The following SLC30A4 variants were observed in gnomAD, a reference collection of about 807,000 sequenced individuals.
SLC30A4 encodes probable proton-coupled zinc antiporter SLC30A4.
Under a neutral mutation model 41.7 loss-of-function variants are expected in SLC30A4, and 20 were observed. The ratio of observed to expected loss-of-function variants is 0.48; its 90% CI spans 0.34 to 0.70. SLC30A4 has a LOEUF of 0.70. SLC30A4 is among the 30% of genes least tolerant of loss of function. SLC30A4 has a pLI of 0.01. For synonymous variants in SLC30A4, 181 were observed against 195.9 expected (o/e 0.92, Z 0.64); for missense variants, 441 against 529.3 (o/e 0.83, Z 1.64).
At chr15:45,491,245 G>C (rs894486115) in intron 3 of SLC30A4, among the ~76,000 whole-genome samples, 1 of 152,088 alleles carries the variant, frequency 6.6e-6, no homozygotes, top group Non-Finnish European at 1.5e-5. Context: ...GTGGTTAGCA[G>C]CTTGACTGAT....
At chr15:45,521,786 T>C in intron 2 of SLC30A4, 178 bp downstream of exon 2, 1 of 584,670 alleles carries the variant, frequency 1.7e-6, no homozygotes, top group Non-Finnish European at 3.0e-6. Flanking sequence ...GGGGAGTTTA[T>C]ATTGTACTTA....
chr15:45,515,716 C>T (rs538372043), intron 2 of SLC30A4: 1 of 150,952 alleles, frequency 6.6e-6, no homozygotes, highest in Non-Finnish European at 1.5e-5. Context: ...TTTTATTGTG[C>T]AGAAGCTTTT....
intron 2 of SLC30A4, among the ~76,000 whole-genome samples, chr15:45,517,175 C>G (rs1892505481): frequency 6.6e-6 from 1 of 151,662 alleles, no homozygotes; most frequent in Non-Finnish European, 1.5e-5. Flanking sequence ...ATTTGGAACA[C>G]CTTTTTCCCT....
In SLC30A4 at chr15:45,484,917, T is replaced by C. The variant is rs1300144348; in HGVS notation, c.*246A>G. 4.4e-6 allele frequency: 2 copies of C among 456,906 alleles called. No individual in the cohort carries two copies. Among genetic ancestry groups the C allele is most frequent in the Admixed American group, 4.2e-5 (1 of 23,824 alleles). 28.3% of individuals were successfully genotyped at this position (456,906 alleles called of 1,614,324 possible). A position where few individuals can be genotyped will look rare whatever the true frequency, so the allele number is the denominator to read the frequency against. On this transcript the variant is annotated 3_prime_UTR_variant, in exon 8 of 8. Coordinates refer to ENST00000261867, the MANE Select transcript of SLC30A4 (RefSeq NM_013309.6). ...CTTGGATTGTCTTCTATGAGGTATC[T>C]GTAGAGTCACATCTCATTCTGTAAA...
rs1892698065 is a variant in SLC30A4, at chr15:45,522,303, C to G, written c.52G>C (p.Asp18His). ...KRLKSMLRKD[D>H]APLFLNDTSA... ...GTGTCATTTAAAAACAGCGGCGCATCATCCTTCCTTAGCATAGATTTGAGG... is the reference window on the plus strand; with the variant it reads ...GTGTCATTTAAAAACAGCGGCGCATGATCCTTCCTTAGCATAGATTTGAGG... Residue 18 changes from aspartate (D) to histidine (H), a missense_variant, in exon 2 of 8, where the codon GAT (aspartate) becomes CAT (histidine). Physicochemically the swap from Asp to His is moderately conservative, Grantham distance 81 (BLOSUM62 -1). This residue lies in a region of SLC30A4 where 312 missense variants were observed against 341.9 expected (regional missense o/e 0.91). Transcript: ENST00000261867. 5.0e-6 allele frequency: 8 copies of G among 1,614,058 alleles called. No individual in the cohort carries two copies. The highest frequency in any genetic ancestry group is 6.8e-6 in the Non-Finnish European group (8 of 1,180,018).
At chr15:45,499,526 T>C (rs1891977174) in intron 3 of SLC30A4, among the ~76,000 whole-genome samples, 1 of 152,120 alleles carries the variant, frequency 6.6e-6, no homozygotes, top group South Asian at 2.1e-4. Context: ...CATATAAATA[T>C]AGTCAATTAC....
At position 45,480,026 on chromosome 15, in the gene SLC30A4, A is replaced by G. The variant is rs987305547; in HGVS notation, c.*5137T>C. 9.8e-5 allele frequency: 15 copies of G among 152,314 alleles called. No homozygotes were observed. Among genetic ancestry groups the G allele is most frequent in the African/African-American group, 3.4e-4 (14 of 41,572 alleles). The allele number at this position is 152,314 out of a possible 1,614,324, so 9.4% of individuals were successfully genotyped here. A position where few individuals can be genotyped will look rare whatever the true frequency, so the allele number is the denominator to read the frequency against. Reference sequence around the variant, plus strand: ...CATGTATTTATTGAGAGAAGCATAAACTTTCCAAATATACAGTATCTTCCA... The same window carrying G: ...CATGTATTTATTGAGAGAAGCATAAGCTTTCCAAATATACAGTATCTTCCA... On this transcript the variant is annotated 3_prime_UTR_variant, in exon 8 of 8. Coordinates refer to ENST00000261867, the MANE Select transcript of SLC30A4 (RefSeq NM_013309.6).
chr15:45,488,880 A>G lies in SLC30A4; in HGVS notation c.855T>C (p.Ser285=). The G allele has an allele frequency of 6.2e-7, 1 of 1,613,848 alleles. No individual in the cohort carries two copies. ...TGTATGCAGCTATTAGCACACCAAC[A>G]CTCTGTACCAAATCTCCCAAAGCAT... The part of the protein sequence containing the change: ...FVHALGDLVQ[S]VGVLIAAYII... The change falls in exon 5 of 8, where the codon AGT becomes AGC. Residue 285 remains serine (S), a synonymous_variant. Transcript: ENST00000261867.
rs1231355946 is a variant in SLC30A4, at chr15:45,522,443, G to A, written c.-89C>T. On this transcript the variant is annotated 5_prime_UTR_variant, in exon 2 of 8. Coordinates refer to ENST00000261867, the MANE Select transcript of SLC30A4 (RefSeq NM_013309.6). ...CTTCACCGGAGCGCCAGTTCTCGAG[G>A]GCAGTGCCGCGCGTCCCTCCCCATC... 1.6e-6 allele frequency: 2 copies of A among 1,267,896 alleles called. No individual in the cohort carries two copies. The highest frequency in any genetic ancestry group is 3.0e-5 in the African/African-American group (2 of 67,048). 78.5% of individuals were successfully genotyped at this position (1,267,896 alleles called of 1,614,324 possible).
At chr15:45,494,337 C>T (rs910014972) in intron 3 of SLC30A4, among the ~76,000 whole-genome samples, 1 of 152,058 alleles carries the variant, frequency 6.6e-6, no homozygotes, top group Non-Finnish European at 1.5e-5. Flanking sequence ...AAAAAAAACA[C>T]AAGGGATTTC....
rs140461287 is a variant in SLC30A4, at chr15:45,518,737, G to T, written c.391+3227C>A. On this transcript the variant is annotated intron_variant, in intron 2 of 7. Transcript: ENST00000261867. The stretch of plus-strand genomic sequence containing the variant: ...ACTACCAAGTCAGGCTAAGTTTTTG[G>T]TTTTTTTTGGTAGAGAGGGGGTTTC... Among the ~76,000 whole-genome samples the T allele has an allele frequency of 9.7e-4, 147 of 151,596 alleles. 1 individual carries two copies. Among genetic ancestry groups the T allele is most frequent in the African/African-American group, 3.3e-3 (136 of 41,348 alleles).
intron 2 of SLC30A4, among the ~76,000 whole-genome samples, chr15:45,516,260 G>A (rs1892470923): frequency 6.6e-6 from 1 of 152,160 alleles, no homozygotes; most frequent in Non-Finnish European, 1.5e-5. Flanking sequence ...AGCTTACTTA[G>A]GATTTTCTAG....
chr15:45,503,288 T>A (rs1892078062), intron 3 of SLC30A4, among the ~76,000 whole-genome samples: 1 of 152,130 alleles, frequency 6.6e-6, no homozygotes, highest in African/African-American at 2.4e-5. Flanking sequence ...CATTTCCTCA[T>A]TTAATATTTT....
At position 45,484,061 on chromosome 15, in the gene SLC30A4, T is replaced by C. The variant is rs1891653458; in HGVS notation, c.*1102A>G. The C allele has an allele frequency of 2.0e-5, 3 of 152,570 alleles. No individual in the cohort carries two copies. 9.5% of individuals were successfully genotyped at this position (152,570 alleles called of 1,614,324 possible). On this transcript the variant is annotated 3_prime_UTR_variant, in exon 8 of 8. Coordinates refer to ENST00000261867, the MANE Select transcript of SLC30A4 (RefSeq NM_013309.6). ...CTAACCCATATCATAAAACATAAAA[T>C]ATATAATAAAACATAACCCATATCA... is the stretch of plus-strand genomic sequence containing the variant.
chr15:45,489,188 T>C, intron 4 of SLC30A4, 146 bp from the exon 5 acceptor site: 1 of 659,730 alleles, frequency 1.5e-6, no homozygotes, highest in Non-Finnish European at 2.6e-6. Flanking sequence ...TTCTAGGTAC[T>C]TGGGTCAAAA....
chr15:45,518,735 T>C (rs1035521632), intron 2 of SLC30A4, among the ~76,000 whole-genome samples: 1 of 151,944 alleles, frequency 6.6e-6, no homozygotes, highest in Admixed American at 6.6e-5. Context: ...GCTAAGTTTT[T>C]GGTTTTTTTT....
At position 45,483,664 on chromosome 15, in the gene SLC30A4, G is replaced by C. The variant is rs544748305; in HGVS notation, c.*1499C>G. ...AGGCAGGCGGATCACCTGAGGTCAG[G>C]AGTTCAAGACCAGACAGGCCAATGT... On this transcript the variant is annotated 3_prime_UTR_variant, in exon 8 of 8. Transcript: ENST00000261867. 52 of 152,522 alleles carry C rather than the reference G, an allele frequency of 3.4e-4. No homozygotes were observed. Among genetic ancestry groups the C allele is most frequent in the African/African-American group, 1.2e-3 (48 of 41,568 alleles). 9.4% of individuals were successfully genotyped at this position (152,522 alleles called of 1,614,324 possible).
intron 2 of SLC30A4, among the ~76,000 whole-genome samples, chr15:45,517,085 G>A (rs1168650074): frequency 6.6e-6 from 1 of 151,640 alleles, no homozygotes; most frequent in Non-Finnish European, 1.5e-5. Context: ...GGATGTTTTA[G>A]TTCTCATCTA....
intron 3 of SLC30A4, among the ~76,000 whole-genome samples, chr15:45,497,661 A>G (rs1457447175): frequency 2.6e-5 from 4 of 152,200 alleles, no homozygotes; most frequent in African/African-American, 9.6e-5. Context: ...GATGATTATC[A>G]AGTTTTAATA....
Sources: gnomAD v4.1 joint callset for allele counts (sites outside exome capture counted in the v4.1 genomes callset) on GRCh38, gnomAD v4.1.1 for gene constraint, gnomAD v4.1.1 regional missense constraint, MANE v1.5 for transcripts, NCBI Gene and HGNC (gene_info 2026-07-23, HGNC 2026-07-21) for gene names.